The following AGO4 variants were observed in gnomAD, a reference collection of about 807,000 sequenced individuals.
The protein encoded by AGO4 is argonaute RISC component 4.
AGO4 carries 33 observed loss-of-function variants against 104.7 expected under a neutral mutation model. That is an observed-to-expected ratio of 0.32 (90% CI 0.24 to 0.42). The LOEUF (loss-of-function observed/expected upper bound fraction) is 0.42. AGO4 is among the 10% of genes least tolerant of loss of function. The pLI is 1.00. For synonymous variants in AGO4, 331 were observed against 364.7 expected (o/e 0.91, Z 1.05); for missense variants, 711 against 1,083.4 (o/e 0.66, Z 4.83).
At chr1:35,811,919 A>G (rs911864539) in intron 1 of AGO4, among the ~76,000 whole-genome samples, 2 of 152,080 alleles carry the variant, frequency 1.3e-5, no homozygotes, top group African/African-American at 2.4e-5. Context: ...CCTTGAATAT[A>G]CATCATCTCA....
Position 35,841,883 on chromosome 1 carries a change from T to C in AGO4, c.2175+133T>C. 1 of 573,590 alleles carries C rather than the reference T, an allele frequency of 1.7e-6. No individual in the cohort carries two copies. The highest frequency in any genetic ancestry group is 2.4e-6 in the Non-Finnish European group (1 of 412,012). The allele number at this position is 573,590 out of a possible 1,614,324, so 35.5% of individuals were successfully genotyped here. On this transcript the variant is annotated intron_variant, in intron 15 of 17. Transcript: ENST00000373210. The surrounding 1 kb of genome is among the most constrained non-coding windows in gnomAD (Gnocchi z 4.7). The stretch of plus-strand genomic sequence containing the variant: ...TTTTCTTAAAAGCAGAAATGCCTGA[T>C]AATAATTTAACTGCAGTTGGGTTTA...
Position 35,830,086 on chromosome 1 carries a change from G to A in AGO4, c.849-1341G>A, listed in dbSNP as rs140492746. Among the ~76,000 whole-genome samples the A allele has an allele frequency of 3.3e-3, 472 of 143,112 alleles. 1 individual carries two copies. Among genetic ancestry groups the A allele is most frequent in the Non-Finnish European group, 3.5e-3 (237 of 67,010 alleles). The allele number at this position is 143,112 out of a possible 152,430, so 93.9% of individuals were successfully genotyped here. Reference sequence around the variant, plus strand: ...TTGAGCCCAAGTGGTGGAGGTTTCAGTAAGCCAAAATCATGCCACTGCACT... The same window carrying A: ...TTGAGCCCAAGTGGTGGAGGTTTCAATAAGCCAAAATCATGCCACTGCACT... On this transcript the variant is annotated intron_variant, in intron 7 of 17. Coordinates refer to ENST00000373210, the MANE Select transcript of AGO4 (RefSeq NM_017629.4).
intron 1 of AGO4, among the ~76,000 whole-genome samples, chr1:35,813,545 C>T (rs1287620035): frequency 1.3e-5 from 2 of 151,732 alleles, no homozygotes; most frequent in African/African-American, 4.8e-5. Flanking sequence ...TTGCTTGACC[C>T]CAGGAGTTCA....
intron 7 of AGO4, among the ~76,000 whole-genome samples, chr1:35,829,310 A>G (rs1412829270): frequency 7.3e-6 from 1 of 137,628 alleles, no homozygotes; most frequent in South Asian, 2.2e-4. Flanking sequence ...TCTTTCTCAG[A>G]AAAAAAAAAA....
At position 35,834,036 on chromosome 1, in the gene AGO4, C is replaced by T. The variant is rs149862215; in HGVS notation, c.1426C>T (p.Pro476Ser). The T allele has an allele frequency of 2.8e-5, 45 of 1,607,010 alleles. No homozygotes were observed. The East Asian group carries it at 9.7e-4, about 35-fold the overall frequency. Reference protein sequence around the residue: ...LRKISKDAGMPIQGQPCFCKY... With the variant: ...LRKISKDAGMSIQGQPCFCKY... ...TAAAATCTCTAAGGATGCAGGAATGCCCATCCAGGGTCAGCCATGTTTCTG... is the reference window on the plus strand; with the variant it reads ...TAAAATCTCTAAGGATGCAGGAATGTCCATCCAGGGTCAGCCATGTTTCTG... The change falls in exon 12 of 18, where the codon CCC (proline) becomes TCC (serine). Residue 476 changes from proline (P) to serine (S), a missense_variant. Coordinates refer to ENST00000373210, the MANE Select transcript of AGO4 (RefSeq NM_017629.4).
At chr1:35,851,976 G>T (rs1644711625) in intron 17 of AGO4, among the ~76,000 whole-genome samples, 1 of 152,192 alleles carries the variant, frequency 6.6e-6, no homozygotes. Flanking sequence ...AGTGCAATGG[G>T]ACACCAGAGG....
In AGO4 at chr1:35,850,153, G is replaced by A; in HGVS notation, c.2176-4G>A. On this transcript the variant is annotated splice_region_variant and splice_polypyrimidine_tract_variant and intron_variant, in intron 15 of 17. Coordinates refer to ENST00000373210, the MANE Select transcript of AGO4 (RefSeq NM_017629.4). ...GACTAATTACTTTTTTTTGTTTTTT[G>A]TAGGTAGGGAAAAGTGGCAATGTAC... 1.9e-6 allele frequency: 3 copies of A among 1,557,438 alleles called. No individual in the cohort carries two copies. Among genetic ancestry groups the A allele is most frequent in the Non-Finnish European group, 2.6e-6 (3 of 1,154,814 alleles).
chr1:35,831,410 G>C lies in AGO4; in HGVS notation c.849-17G>C, dbSNP rs1045563799. 2.6e-6 allele frequency: 4 copies of C among 1,566,042 alleles called. No homozygotes were observed. The African/African-American group carries it at 4.2e-5, about 16-fold the overall frequency. On this transcript the variant is annotated splice_polypyrimidine_tract_variant and intron_variant, in intron 7 of 17. Coordinates refer to ENST00000373210, the MANE Select transcript of AGO4 (RefSeq NM_017629.4). Reference sequence around the variant, plus strand: ...GAACTTGAAGAAATATTCTAAAAAAGACATTCTCTCCTATAGTTTTCCTTT... The same window carrying C: ...GAACTTGAAGAAATATTCTAAAAAACACATTCTCTCCTATAGTTTTCCTTT...
chr1:35,832,345 T>C (rs905896676), intron 10 of AGO4, 92 bp from the exon 11 acceptor site: 13 of 1,492,220 alleles, frequency 8.7e-6, no homozygotes, highest in Non-Finnish European at 1.1e-5. Context: ...GTTTATTCAC[T>C]AGTCAATAGT....
Position 35,857,615 on chromosome 1 carries a change from A to G in AGO4, c.*4010A>G, listed in dbSNP as rs994780673. 2 of 152,136 alleles carry G rather than the reference A, an allele frequency of 1.3e-5. No individual in the cohort carries two copies. Among genetic ancestry groups the G allele is most frequent in the African/African-American group, 2.4e-5 (1 of 41,430 alleles). 9.4% of individuals were successfully genotyped at this position (152,136 alleles called of 1,614,324 possible). On this transcript the variant is annotated 3_prime_UTR_variant, in exon 18 of 18. Transcript: ENST00000373210. ...GCAATTTTTTTTGGCCTGCAGGGAT[A>G]TTTTGTGTTTATGTGTCCAAAAAAG...
At position 35,822,979 on chromosome 1, in the gene AGO4, TA is replaced by T; in HGVS notation, c.304del (p.Arg102GlyfsTer6). The T allele has an allele frequency of 6.2e-7, 1 of 1,613,862 alleles. No individual in the cohort carries two copies. Reference protein sequence around the residue: ...TAHPLPIGRDRVDMEVTLPGE... With the variant: ...TAHPLPIGRDXVDMEVTLPGE... ...CACATCCACTACCAATTGGACGGGA[TA>T]GGGTAAGTGTTAAGAGCAAGAAATA... is the stretch of plus-strand genomic sequence containing the variant. On this transcript the variant is annotated frameshift_variant and splice_region_variant, in exon 3 of 18. Transcript: ENST00000373210. LOFTEE classifies it high-confidence loss of function.
intron 1 of AGO4, among the ~76,000 whole-genome samples, chr1:35,810,725 CTTCTA>C (rs1160824284): frequency 3.3e-5 from 5 of 152,108 alleles, no homozygotes; most frequent in African/African-American, 4.8e-5. Context: ...GGTCATTTGA[CTTCTA>C]ATCTAATCAT....
chr1:35,825,844 C>G, intron 5 of AGO4, 29 bp downstream of exon 5: 1 of 1,592,504 alleles, frequency 6.3e-7, no homozygotes, highest in Non-Finnish European at 8.5e-7. Flanking sequence ...TATCCAATAA[C>G]TCTTTGGGCT....
intron 7 of AGO4, among the ~76,000 whole-genome samples, chr1:35,827,718 A>G (rs1644061146): frequency 6.6e-6 from 1 of 150,856 alleles, no homozygotes; most frequent in South Asian, 2.1e-4. Context: ...TATTTAATCT[A>G]TGTTTTATTT....
intron 15 of AGO4, among the ~76,000 whole-genome samples, chr1:35,848,320 T>A (rs567193506): frequency 6.6e-6 from 1 of 152,216 alleles, no homozygotes; most frequent in Non-Finnish European, 1.5e-5. Context: ...TTGGAGTGTT[T>A]CCTGTTTTTT....
At chr1:35,827,501 CAG>C (rs1013815042) in intron 7 of AGO4, among the ~76,000 whole-genome samples, 27 of 152,086 alleles carry the variant, frequency 1.8e-4, no homozygotes, top group African/African-American at 6.5e-4. Flanking sequence ...GCCTGGGTGA[CAG>C]AGTGAAACTC....
At position 35,825,696 on chromosome 1, in the gene AGO4, G is replaced by A. The variant is rs1557558957; in HGVS notation, c.506G>A (p.Arg169His). 5 of 1,561,804 alleles carry A rather than the reference G, an allele frequency of 3.2e-6. No homozygotes were observed. The highest frequency in any genetic ancestry group is 3.4e-6 in the Non-Finnish European group (4 of 1,160,096). ...TTCTTCAGGTACACCCCAGTGGGCC[G>A]TTCCTTTTTCTCACCCCCGGAAGGT... ...LPSMRYTPVG[R>H]SFFSPPEGYY... Residue 169 changes from arginine to histidine, a missense_variant, in exon 5 of 18, where the codon CGT becomes CAT. Arg to His is a conservative substitution (Grantham distance 29). Around this residue, in one of 3 missense-constraint regions of AGO4, gnomAD observed 308 missense variants for 397.8 expected, o/e 0.77. Coordinates refer to ENST00000373210, the MANE Select transcript of AGO4 (RefSeq NM_017629.4).
In AGO4 at chr1:35,808,270, GC is replaced by G; in HGVS notation, c.-142del. On this transcript the variant is annotated 5_prime_UTR_variant, in exon 1 of 18. Coordinates refer to ENST00000373210, the MANE Select transcript of AGO4 (RefSeq NM_017629.4). This position sits in a 1 kb window ranked among gnomAD's most constrained non-coding sequence, Gnocchi z 5.2. ...TGTCCCCGGGCCGGGCGCCGCCGCC[GC>G]CCCCTGCCCAGCGCCCGCGTCTCCG... 4.0e-6 allele frequency: 1 copy of G among 251,442 alleles called. No individual in the cohort carries two copies. Among genetic ancestry groups the G allele is most frequent in the Non-Finnish European group, 6.3e-6 (1 of 159,236 alleles). 15.6% of individuals were successfully genotyped at this position (251,442 alleles called of 1,614,324 possible).
chr1:35,835,736 A>C (rs1644299059), intron 12 of AGO4, 98 bp from the exon 13 acceptor site: 1 of 1,021,660 alleles, frequency 9.8e-7, no homozygotes, highest in East Asian at 2.6e-5. Flanking sequence ...TACAGTATAT[A>C]GTAGGTTATA....
Sources: gnomAD v4.1 joint callset for allele counts (sites outside exome capture counted in the v4.1 genomes callset) on GRCh38, gnomAD v4.1.1 for gene constraint, gnomAD v4.1.1 regional missense constraint, Gnocchi (gnomAD v3.1) non-coding constraint, MANE v1.5 for transcripts, NCBI Gene and HGNC (gene_info 2026-07-23, HGNC 2026-07-21) for gene names.